FLRT2: variants seen among roughly 807,000 people sequenced by gnomAD.
FLRT2 encodes leucine-rich repeat transmembrane protein FLRT2.
A neutral mutation model predicts 40.0 loss-of-function variants in FLRT2; 15 were observed. The ratio of observed to expected loss-of-function variants is 0.38; its 90% CI spans 0.25 to 0.58. FLRT2 has a LOEUF of 0.58. FLRT2 is among the 20% of genes least tolerant of loss of function. The probability of loss-of-function intolerance (pLI) is 0.71; values close to 1 mark genes in which losing one functional copy is unlikely to be tolerated. For missense variants in FLRT2, 726 were observed against 840.0 expected (o/e 0.86, Z 1.68); for synonymous variants, 380 against 336.8 (o/e 1.13, Z -1.41).
In FLRT2 at chr14:85,643,204, G is replaced by A. The variant is rs929862510; in HGVS notation, c.*19707G>A. ...ACATAAATATACAGTCCATAACAGG[G>A]AGATAGGAACATTGGAGTAACCCAT... On this transcript the variant is annotated 3_prime_UTR_variant, in exon 2 of 2. Transcript: ENST00000330753. 1 of 152,140 alleles carries A rather than the reference G, an allele frequency of 6.6e-6. No homozygotes were observed. Among genetic ancestry groups the A allele is most frequent in the Non-Finnish European group, 1.5e-5 (1 of 68,048 alleles). The allele number at this position is 152,140 out of a possible 1,614,324, so 9.4% of individuals were successfully genotyped here.
intron 1 of FLRT2, among the ~76,000 whole-genome samples, chr14:85,571,198 A>G (rs538570069): frequency 6.6e-6 from 1 of 152,268 alleles, no homozygotes; most frequent in Non-Finnish European, 1.5e-5. Context: ...GTAGAAAACG[A>G]TGTCATCTTA....
chr14:85,576,411 C>T (rs1891129180), intron 1 of FLRT2, among the ~76,000 whole-genome samples: 2 of 152,140 alleles, frequency 1.3e-5, no homozygotes, highest in Admixed American at 1.3e-4. Flanking sequence ...TTTGCTGTCT[C>T]CAAACAGTAG....
At chr14:85,538,182 G>A (rs189902197) in intron 1 of FLRT2, among the ~76,000 whole-genome samples, 5 of 152,204 alleles carry the variant, frequency 3.3e-5, no homozygotes, top group African/African-American at 1.2e-4. Context: ...AGTGTGCAGT[G>A]CCATGTGCCT....
In FLRT2 at chr14:85,631,710, T is replaced by C. The variant is rs538983443; in HGVS notation, c.*8213T>C. 6.6e-6 allele frequency: 1 copy of C among 152,368 alleles called. No individual in the cohort carries two copies. Among genetic ancestry groups the C allele is most frequent in the Non-Finnish European group, 1.5e-5 (1 of 68,034 alleles). 9.4% of individuals were successfully genotyped at this position (152,368 alleles called of 1,614,324 possible). On this transcript the variant is annotated 3_prime_UTR_variant, in exon 2 of 2. Transcript: ENST00000330753. ...ATTTTTAAAAGAAATTTTGTTTTTA[T>C]GATTATTTGGTGGCCATGCATCTGA...
intron 1 of FLRT2, among the ~76,000 whole-genome samples, chr14:85,609,545 C>T (rs980091435): frequency 1.3e-5 from 2 of 152,172 alleles, no homozygotes; most frequent in African/African-American, 4.8e-5. Context: ...TTCATTTAGT[C>T]TTGACCTCTT....
intron 1 of FLRT2, among the ~76,000 whole-genome samples, chr14:85,549,061 C>T (rs922717163): frequency 5.9e-5 from 9 of 152,202 alleles, no homozygotes; most frequent in African/African-American, 1.4e-4. Context: ...CACCTTCCCA[C>T]TCCATCCCCT....
chr14:85,545,650 G>A (rs531967080), intron 1 of FLRT2, among the ~76,000 whole-genome samples: 103 of 152,322 alleles, frequency 6.8e-4, no homozygotes, highest in Middle Eastern at 3.4e-3. Context: ...GTCTCTCAAT[G>A]TATTTCTGTA....
At chr14:85,604,296 G>A (rs1471617555) in intron 1 of FLRT2, among the ~76,000 whole-genome samples, 3 of 152,132 alleles carry the variant, frequency 2.0e-5, no homozygotes, top group Non-Finnish European at 4.4e-5. Flanking sequence ...ATGACTTCCT[G>A]AGTCTTATCC....
At chr14:85,555,706 ATTTTAT>A in intron 1 of FLRT2, among the ~76,000 whole-genome samples, 1 of 149,680 alleles carries the variant, frequency 6.7e-6, no homozygotes, top group Non-Finnish European at 1.5e-5. Context: ...ATTTTATTTT[ATTTTAT>A]TTTATTTTAT....
intron 1 of FLRT2, among the ~76,000 whole-genome samples, chr14:85,574,949 T>C (rs4899873): frequency 0.044 from 6,775 of 152,308 alleles, 207 homozygotes; most frequent in East Asian, 0.17. Context: ...AACCAAGGCA[T>C]TGGCCATTGT....
rs538345230 is a variant in FLRT2 at position 85,577,700 on chromosome 14, C to T, written c.-376-43439C>T. On this transcript the variant is annotated intron_variant, in intron 1 of 1. Coordinates refer to ENST00000330753, the MANE Select transcript of FLRT2 (RefSeq NM_013231.6). Reference sequence around the variant, plus strand: ...CTCCTGGGCACAAGTGGTCCTCCTGCCTCAGTCTCTCGAGTAGCTAAGACT... The same window carrying T: ...CTCCTGGGCACAAGTGGTCCTCCTGTCTCAGTCTCTCGAGTAGCTAAGACT... Among the ~76,000 whole-genome samples, 4 of 152,088 alleles carry T rather than the reference C, an allele frequency of 2.6e-5. No individual in the cohort carries two copies. In the South Asian group the frequency reaches 8.3e-4, roughly 32 times the overall value.
chr14:85,567,700 G>GC (rs1890693307), intron 1 of FLRT2, among the ~76,000 whole-genome samples: 1 of 144,376 alleles, frequency 6.9e-6, no homozygotes, highest in Non-Finnish European at 1.5e-5. Flanking sequence ...GAGTGCAGTG[G>GC]CACGATCTCT....
chr14:85,595,469 G>A (rs976984086), intron 1 of FLRT2, among the ~76,000 whole-genome samples: 4 of 147,778 alleles, frequency 2.7e-5, no homozygotes, highest in African/African-American at 2.5e-5. Flanking sequence ...AAAAATGCCC[G>A]ACAAGGTGCT....
chr14:85,544,245 C>T (rs1459811941), intron 1 of FLRT2, among the ~76,000 whole-genome samples: 1 of 152,146 alleles, frequency 6.6e-6, no homozygotes, highest in Non-Finnish European at 1.5e-5. Flanking sequence ...CTTTCCAAAC[C>T]ACACATGAGG....
chr14:85,601,603 A>G (rs936643940), intron 1 of FLRT2, among the ~76,000 whole-genome samples: 1 of 152,208 alleles, frequency 6.6e-6, no homozygotes, highest in African/African-American at 2.4e-5. Flanking sequence ...TTTGAACCCC[A>G]TCTTTGCTAC....
rs1449789142 is a variant in FLRT2 at position 85,626,524 on chromosome 14, T to C, written c.*3027T>C. On this transcript the variant is annotated 3_prime_UTR_variant, in exon 2 of 2. Coordinates refer to ENST00000330753, the MANE Select transcript of FLRT2 (RefSeq NM_013231.6). ...TGAAAAGGAAGAGGCATAGTCATGA[T>C]CAAAAGGATATATTGACAGTTATCT... 6.0e-6 allele frequency: 1 copy of C among 167,050 alleles called. No homozygotes were observed. The highest frequency in any genetic ancestry group is 2.4e-5 in the African/African-American group (1 of 41,432). 10.3% of individuals were successfully genotyped at this position (167,050 alleles called of 1,614,324 possible).
intron 1 of FLRT2, among the ~76,000 whole-genome samples, chr14:85,584,252 CT>C (rs1891519510): frequency 6.6e-6 from 1 of 152,082 alleles, no homozygotes; most frequent in Admixed American, 6.6e-5. Context: ...TAGAAAATGC[CT>C]TTTTTGAATG....
chr14:85,602,043 A>G (rs1595073226), intron 1 of FLRT2, among the ~76,000 whole-genome samples: 1 of 152,220 alleles, frequency 6.6e-6, no homozygotes, highest in African/African-American at 2.4e-5. Context: ...CTTTTTAACC[A>G]TATCTAAGCC....
intron 1 of FLRT2, among the ~76,000 whole-genome samples, chr14:85,592,128 A>G (rs1219211715): frequency 7.2e-6 from 1 of 138,200 alleles, no homozygotes; most frequent in African/African-American, 2.9e-5. Context: ...CAGATGTGAC[A>G]GGAAGAAAAC....
Sources: allele counts gnomAD v4.1 joint callset (sites outside exome capture counted in the v4.1 genomes callset), GRCh38; gene constraint gnomAD v4.1.1; transcripts MANE v1.5; gene names NCBI Gene and HGNC (gene_info 2026-07-23, HGNC 2026-07-21).